Variants in RANBP2 observed in about 807,000 individuals in gnomAD.
RANBP2 encodes the protein RAN binding protein 2.
In RANBP2, 57 loss-of-function variants were observed where a neutral mutation model predicts 303.6. That is an observed-to-expected ratio of 0.19 (90% confidence interval 0.15 to 0.23). RANBP2 has a LOEUF of 0.23. RANBP2 is among the 10% of genes least tolerant of loss of function. The pLI, the probability that RANBP2 is intolerant of heterozygous loss-of-function variation, is 1.00. For missense variants in RANBP2, 3,138 were observed against 3,780.8 expected (o/e 0.83, Z 4.46); for synonymous variants, 1,167 against 1,301.5 (o/e 0.90, Z 2.23).
At chr2:109,371,686 G>T in the RANBP2 span, 4 of 1,612,916 alleles carry the variant, frequency 2.5e-6, no homozygotes, top group Non-Finnish European at 2.5e-6. Flanking sequence ...GTGGAGGTAA[G>T]ACCGTGCCGC....
At chr2:108,781,542 G>T in intron 26 of RANBP2, 113 bp downstream of exon 26, 1 of 969,170 alleles carries the variant, frequency 1.0e-6, no homozygotes, top group East Asian at 2.6e-5. Flanking sequence ...TTTACTGTTT[G>T]AAATGGAAGC....
the RANBP2 span, among the ~76,000 whole-genome samples, chr2:109,153,426 A>G: frequency 2.0e-5 from 3 of 152,228 alleles, no homozygotes; most frequent in African/African-American, 7.2e-5. Context: ...ATTTGGACAG[A>G]TTAGTTCTGC....
chr2:109,033,314 G>A, the RANBP2 span, among the ~76,000 whole-genome samples: 2 of 152,264 alleles, frequency 1.3e-5, no homozygotes, highest in Non-Finnish European at 1.5e-5. Flanking sequence ...GAATGCACGG[G>A]CCCAGTCCCC....
the RANBP2 span, among the ~76,000 whole-genome samples, chr2:108,842,758 A>G: frequency 6.6e-6 from 1 of 152,212 alleles, no homozygotes; most frequent in East Asian, 1.9e-4. Flanking sequence ...GTTAAAAGTG[A>G]CTGATCCCTG....
chr2:109,297,789 C>G, the RANBP2 span, among the ~76,000 whole-genome samples: 2 of 151,608 alleles, frequency 1.3e-5, no homozygotes, highest in African/African-American at 4.9e-5. Context: ...TTGCCCCCAA[C>G]TAGGTCAGCT....
chr2:109,736,068 C>A, the RANBP2 span, among the ~76,000 whole-genome samples: 4 of 152,194 alleles, frequency 2.6e-5, no homozygotes, highest in African/African-American at 4.8e-5. Flanking sequence ...CAGGCAAGTT[C>A]TTTTAAAAAC....
chr2:109,344,853 G>C, the RANBP2 span, among the ~76,000 whole-genome samples: 3 of 152,192 alleles, frequency 2.0e-5, no homozygotes, highest in African/African-American at 7.2e-5. Flanking sequence ...GGAGCTTGCA[G>C]ATGTCCAGCA....
chr2:108,786,682 T>TCGCCC (rs532161545), downstream of RANBP2: 1,150 of 731,764 alleles, frequency 1.6e-3, 5 homozygotes, highest in East Asian at 7.4e-3. Flanking sequence ...AGTCTCCGGG[T>TCGCCC]CGCCCCGCCC....
the RANBP2 span, among the ~76,000 whole-genome samples, chr2:109,408,174 A>T: frequency 5.3e-5 from 8 of 152,228 alleles, no homozygotes; most frequent in Non-Finnish European, 1.2e-4. Context: ...TTGTTCATGA[A>T]TGCCCACCGG....
the RANBP2 span, among the ~76,000 whole-genome samples, chr2:109,242,521 G>A: frequency 6.6e-6 from 1 of 152,224 alleles, no homozygotes; most frequent in African/African-American, 2.4e-5. Flanking sequence ...AGAAGCGGGA[G>A]TGAATGGCAA....
the RANBP2 span, among the ~76,000 whole-genome samples, chr2:109,441,748 C>T: frequency 6.6e-6 from 1 of 151,826 alleles, no homozygotes; most frequent in East Asian, 1.9e-4. Flanking sequence ...CAAGGCAAAT[C>T]ACAATCAAAC....
chr2:109,088,747 G>T, the RANBP2 span, among the ~76,000 whole-genome samples: 1 of 152,100 alleles, frequency 6.6e-6, no homozygotes, highest in Non-Finnish European at 1.5e-5. Context: ...CCTGACCTCA[G>T]GTGATCCACC....
chr2:108,853,966 AAATATATAT>A, the RANBP2 span, among the ~76,000 whole-genome samples: 1 of 111,598 alleles, frequency 9.0e-6, no homozygotes, highest in African/African-American at 3.6e-5. Context: ...ATATATAATA[AAATATATAT>A]AATATATAAT....
chr2:109,218,684 T>C, the RANBP2 span, among the ~76,000 whole-genome samples: 1 of 151,646 alleles, frequency 6.6e-6, no homozygotes, highest in East Asian at 1.9e-4. Flanking sequence ...TGAGGGAGGG[T>C]GGTGTTTTCT....
chr2:109,355,940 A>G, the RANBP2 span, among the ~76,000 whole-genome samples: 1 of 152,304 alleles, frequency 6.6e-6, no homozygotes, highest in Non-Finnish European at 1.5e-5. Flanking sequence ...TGATCTAGCC[A>G]TGAAAAGTTG....
the RANBP2 span, among the ~76,000 whole-genome samples, chr2:109,563,466 T>A: frequency 6.6e-6 from 1 of 152,148 alleles, no homozygotes. Context: ...TAAGAGAGTT[T>A]AAAATAGCAC....
the RANBP2 span, chr2:109,544,215 A>G: frequency 1.2e-6 from 2 of 1,609,982 alleles, no homozygotes; most frequent in East Asian, 2.2e-5. Context: ...TAGAAGTGAT[A>G]AAACAAATAA....
At chr2:109,389,142 A>G in the RANBP2 span, among the ~76,000 whole-genome samples, 2 of 152,224 alleles carry the variant, frequency 1.3e-5, no homozygotes, top group Non-Finnish European at 2.9e-5. Flanking sequence ...CACATAGAAC[A>G]CAGGTGAGCG....
the RANBP2 span, among the ~76,000 whole-genome samples, chr2:109,423,687 C>T: frequency 2.6e-5 from 4 of 152,202 alleles, no homozygotes; most frequent in East Asian, 1.9e-4. Flanking sequence ...AGAGGCCAGC[C>T]GCCCAGCCTC....
Sources: gnomAD v4.1 joint callset for allele counts (sites outside exome capture counted in the v4.1 genomes callset) on GRCh38, gnomAD v4.1.1 for gene constraint, MANE v1.5 for transcripts, NCBI Gene and HGNC (gene_info 2026-07-23, HGNC 2026-07-21) for gene names.